Variants in SLC24A3 observed in about 807,000 individuals in gnomAD.
The protein encoded by SLC24A3 is sodium/potassium/calcium exchanger 3.
In SLC24A3, 28 loss-of-function variants were observed where a neutral mutation model predicts 75.8. The observed-to-expected ratio is 0.37, with a 90% confidence interval of 0.27 to 0.51. SLC24A3 has a LOEUF of 0.51. Ranked by LOEUF, SLC24A3 falls within the 20% of genes least tolerant of loss-of-function variation. The pLI is 0.94. For synonymous variants in SLC24A3, 372 were observed against 334.1 expected, an observed-to-expected ratio of 1.11 and a Z score of -1.24; for missense variants, 663 against 847.8, an observed-to-expected ratio of 0.78 and a Z score of 2.71.
At position 19,549,733 on chromosome 20, in the gene SLC24A3, G is replaced by A. The variant is rs950640472; in HGVS notation, c.349-30267G>A. On this transcript the variant is annotated intron_variant, in intron 3 of 16. Coordinates refer to ENST00000328041, the MANE Select transcript of SLC24A3 (RefSeq NM_020689.4). Reference sequence around the variant, plus strand: ...TGGGAGATAGAGGTTGCAGTGAGCCGAGATCATGCCATTGCACTCCAGCTG... The same window carrying A: ...TGGGAGATAGAGGTTGCAGTGAGCCAAGATCATGCCATTGCACTCCAGCTG... Among the ~76,000 whole-genome samples, 4 of 152,130 alleles carry A rather than the reference G, an allele frequency of 2.6e-5. No homozygotes were observed. The South Asian group carries it at 6.2e-4, about 24-fold the overall frequency.
At chr20:19,253,198 C>A (rs1982714105) in intron 1 of SLC24A3, among the ~76,000 whole-genome samples, 2 of 152,186 alleles carry the variant, frequency 1.3e-5, no homozygotes, top group South Asian at 4.1e-4. Context: ...CTCACATTCT[C>A]TAGGGGTTTG....
intron 3 of SLC24A3, among the ~76,000 whole-genome samples, chr20:19,547,216 T>A (rs2030614974): frequency 6.6e-6 from 1 of 152,226 alleles, no homozygotes; most frequent in South Asian, 2.1e-4. Context: ...CCATAGGGCC[T>A]AATTTAGTGT....
intron 9 of SLC24A3, among the ~76,000 whole-genome samples, chr20:19,677,587 A>T (rs2032539590): frequency 6.6e-6 from 1 of 151,564 alleles, no homozygotes; most frequent in South Asian, 2.1e-4. Flanking sequence ...TATAATTTTG[A>T]AGTCCCGGAC....
At chr20:19,671,866 G>A (rs770950812) in intron 8 of SLC24A3, among the ~76,000 whole-genome samples, 2 of 152,046 alleles carry the variant, frequency 1.3e-5, no homozygotes, top group Admixed American at 6.6e-5. Context: ...GAAAACATAG[G>A]CAATAAAGAT....
intron 2 of SLC24A3, among the ~76,000 whole-genome samples, chr20:19,304,380 T>C (rs1984270292): frequency 6.6e-6 from 1 of 152,058 alleles, no homozygotes; most frequent in African/African-American, 2.4e-5. Flanking sequence ...ATGTTGTTGA[T>C]ACCTGCCTCA....
At chr20:19,258,062 T>C (rs1982868699) in intron 1 of SLC24A3, among the ~76,000 whole-genome samples, 1 of 152,272 alleles carries the variant, frequency 6.6e-6, no homozygotes, top group Non-Finnish European at 1.5e-5. Context: ...CTCTGTTTTC[T>C]GCAGCACCTG....
chr20:19,550,745 G>T (rs374531386), intron 3 of SLC24A3, among the ~76,000 whole-genome samples: 33 of 152,338 alleles, frequency 2.2e-4, no homozygotes, highest in African/African-American at 7.2e-4. Flanking sequence ...GAGAGGCAAA[G>T]TGCCTTGAAG....
At chr20:19,240,785 T>A (rs6081546) in intron 1 of SLC24A3, among the ~76,000 whole-genome samples, 62,273 of 151,934 alleles carry the variant, frequency 0.41, 13,823 homozygotes, top group East Asian at 0.92. Context: ...CTTGGGTCAA[T>A]GGGACCACTT....
At chr20:19,716,363 A>G (rs1269870882) in intron 15 of SLC24A3, among the ~76,000 whole-genome samples, 2 of 151,668 alleles carry the variant, frequency 1.3e-5, no homozygotes. Context: ...TATTATAGCC[A>G]CAACCACATG....
intron 2 of SLC24A3, among the ~76,000 whole-genome samples, chr20:19,384,884 G>A (rs1455338083): frequency 6.6e-6 from 1 of 152,140 alleles, no homozygotes; most frequent in Non-Finnish European, 1.5e-5. Context: ...TAATAGGTGT[G>A]AGGTACTATC....
chr20:19,478,294 G>A (rs1475036504), intron 2 of SLC24A3, among the ~76,000 whole-genome samples: 1 of 152,172 alleles, frequency 6.6e-6, no homozygotes, highest in African/African-American at 2.4e-5. Flanking sequence ...GATCTTTAGG[G>A]CTCTATTTTT....
At chr20:19,553,730 A>G (rs776571914) in intron 3 of SLC24A3, among the ~76,000 whole-genome samples, 4 of 152,204 alleles carry the variant, frequency 2.6e-5, no homozygotes, top group Non-Finnish European at 5.9e-5. Flanking sequence ...ATGACTCCAA[A>G]GACTGAGGAG....
chr20:19,361,777 T>C (rs1179639320), intron 2 of SLC24A3, among the ~76,000 whole-genome samples: 6 of 152,228 alleles, frequency 3.9e-5, no homozygotes, highest in African/African-American at 1.4e-4. Context: ...TTAAATATAT[T>C]TGTGAAAAAA....
chr20:19,579,194 G>T (rs1357384615), intron 3 of SLC24A3, among the ~76,000 whole-genome samples: 1 of 152,194 alleles, frequency 6.6e-6, no homozygotes, highest in Non-Finnish European at 1.5e-5. Flanking sequence ...CCTTAGGAAA[G>T]AGTGGGAGAA....
intron 1 of SLC24A3, among the ~76,000 whole-genome samples, chr20:19,254,234 A>G (rs1339691748): frequency 6.6e-6 from 1 of 152,176 alleles, no homozygotes; most frequent in Non-Finnish European, 1.5e-5. Context: ...TCCCGACCCC[A>G]GAGTCTGGCT....
chr20:19,654,394 T>G (rs1226274035), intron 7 of SLC24A3, among the ~76,000 whole-genome samples: 1 of 152,082 alleles, frequency 6.6e-6, no homozygotes, highest in Non-Finnish European at 1.5e-5. Flanking sequence ...CCTGAGACCC[T>G]CGTGAGCATG....
At chr20:19,292,042 T>G (rs1465400440) in intron 2 of SLC24A3, among the ~76,000 whole-genome samples, 1 of 151,956 alleles carries the variant, frequency 6.6e-6, no homozygotes, top group Admixed American at 6.6e-5. Flanking sequence ...CTGAGCAGAG[T>G]GATGGATGTA....
At position 19,577,424 on chromosome 20, in the gene SLC24A3, GTTA is replaced by G. The variant is rs551822273; in HGVS notation, c.349-2573_349-2571del. 6.1e-3 allele frequency among the ~76,000 whole-genome samples: 923 copies of G among 152,294 alleles called. 10 individuals carry two copies. Among genetic ancestry groups the G allele is most frequent in the African/African-American group, 0.021 (886 of 41,562 alleles). On this transcript the variant is annotated intron_variant, in intron 3 of 16. Transcript: ENST00000328041. ...AGATTATGAATAGATCTATCAATGA[GTTA>G]TTTTTGAGATTTTTTTCCATGCCAA...
rs925157993 is a variant in SLC24A3, at chr20:19,277,521, T to C, written c.143-3438T>C. ...TGAGGACAAATGAACTGTGCTATAA[T>C]ATTGTCAAACTTGGTTCTCTGTGGG... On this transcript the variant is annotated intron_variant, in intron 1 of 16. Coordinates refer to ENST00000328041, the MANE Select transcript of SLC24A3 (RefSeq NM_020689.4). Among the ~76,000 whole-genome samples the C allele has an allele frequency of 6.6e-5, 10 of 152,198 alleles. No homozygotes were observed. The East Asian group carries it at 1.9e-3, about 29-fold the overall frequency.
Sources: gnomAD v4.1 joint callset for allele counts (sites outside exome capture counted in the v4.1 genomes callset) on GRCh38, gnomAD v4.1.1 for gene constraint, MANE v1.5 for transcripts, NCBI Gene and HGNC (gene_info 2026-07-23, HGNC 2026-07-21) for gene names.